CA8: variants seen among roughly 807,000 people sequenced by gnomAD.
CA8 encodes the protein carbonic anhydrase 8 (inactive).
In CA8, 22 loss-of-function variants were observed where a neutral mutation model predicts 41.4. The ratio of observed to expected loss-of-function variants is 0.53; its 90% CI spans 0.38 to 0.76. The LOEUF (loss-of-function observed/expected upper bound fraction) is 0.76, where lower values mean the gene tolerates loss of function less well. Ranked by LOEUF, CA8 falls within the 30% of genes least tolerant of loss-of-function variation. CA8 has a pLI of 0.00. For missense variants in CA8, 270 were observed against 352.8 expected (o/e 0.77, Z 1.88); for synonymous variants, 121 against 130.6 (o/e 0.93, Z 0.50).
chr8:60,269,846 C>G (rs1054406099), intron 2 of CA8, among the ~76,000 whole-genome samples: 2 of 152,086 alleles, frequency 1.3e-5, no homozygotes, highest in African/African-American at 4.8e-5. Flanking sequence ...ACATCAAGAG[C>G]AGGAAAGGGT....
chr8:60,189,927 G>A lies in CA8; in HGVS notation c.*94C>T, dbSNP rs1373511773. The A allele has an allele frequency of 4.6e-5, 7 of 151,780 alleles. No homozygotes were observed. The East Asian group carries it at 1.4e-3, about 30-fold the overall frequency. The allele number at this position is 151,780 out of a possible 1,614,324, so 9.4% of individuals were successfully genotyped here. A position where few individuals can be genotyped will look rare whatever the true frequency, so the allele number is the denominator to read the frequency against. On this transcript the variant is annotated 3_prime_UTR_variant, in exon 9 of 9. Coordinates refer to ENST00000317995, the MANE Select transcript of CA8 (RefSeq NM_004056.6). ...CGCAGGCTTTGAGGATAAACTGAAG[G>A]TGCAGCTCAAAAGTTTCCTTTTCTT...
At chr8:60,217,000 C>A (rs1807043608) in intron 7 of CA8, among the ~76,000 whole-genome samples, 1 of 152,170 alleles carries the variant, frequency 6.6e-6, no homozygotes. Flanking sequence ...TCTCCTGCCT[C>A]AGCCTCCCAA....
intron 3 of CA8, among the ~76,000 whole-genome samples, chr8:60,257,724 A>G (rs77270190): frequency 0.034 from 5,140 of 152,326 alleles, 280 homozygotes; most frequent in African/African-American, 0.11. Flanking sequence ...AGTCTAGCCT[A>G]CAGTGACCCG....
At chr8:60,195,139 G>C (rs1030324088) in intron 8 of CA8, among the ~76,000 whole-genome samples, 35 of 152,122 alleles carry the variant, frequency 2.3e-4, no homozygotes, top group African/African-American at 8.0e-4. Flanking sequence ...TAATAAGGAA[G>C]CTTACTCATA....
chr8:60,267,934 A>G (rs1284762997), intron 2 of CA8, among the ~76,000 whole-genome samples: 1 of 152,194 alleles, frequency 6.6e-6, no homozygotes, highest in African/African-American at 2.4e-5. Flanking sequence ...TTAAGAATGT[A>G]TGAAACGTTT....
Position 60,226,861 on chromosome 8 carries a change from A to T in CA8, c.576+12T>A. On this transcript the variant is annotated intron_variant, in intron 5 of 8. Transcript: ENST00000317995. ...AACCAGTATTTCTATATTATTTTAAATAATGACTTACCTTATACTGAATAT... is the reference window on the plus strand; with the variant it reads ...AACCAGTATTTCTATATTATTTTAATTAATGACTTACCTTATACTGAATAT... The T allele has an allele frequency of 6.6e-7, 1 of 1,523,046 alleles. No homozygotes were observed. The highest frequency in any genetic ancestry group is 9.1e-7 in the Non-Finnish European group (1 of 1,097,534). The allele number at this position is 1,523,046 out of a possible 1,614,324, so 94.3% of individuals were successfully genotyped here. A position where few individuals can be genotyped will look rare whatever the true frequency, so the allele number is the denominator to read the frequency against.
At chr8:60,192,293 T>C (rs1806153152) in intron 8 of CA8, among the ~76,000 whole-genome samples, 1 of 152,204 alleles carries the variant, frequency 6.6e-6, no homozygotes, top group Non-Finnish European at 1.5e-5. Context: ...CAATTTGCTG[T>C]AAGATTTTAG....
At chr8:60,202,159 T>C (rs1420498315) in intron 8 of CA8, among the ~76,000 whole-genome samples, 1 of 151,780 alleles carries the variant, frequency 6.6e-6, no homozygotes, top group Non-Finnish European at 1.5e-5. Flanking sequence ...TTTTCCTGCC[T>C]CAGCCTCCTG....
At chr8:60,211,705 A>G (rs7007072) in intron 7 of CA8, among the ~76,000 whole-genome samples, 55,805 of 152,070 alleles carry the variant, frequency 0.37, 10,703 homozygotes, top group Admixed American at 0.44. Flanking sequence ...ATTTCACAAG[A>G]AATGTTTTTC....
intron 3 of CA8, among the ~76,000 whole-genome samples, chr8:60,258,897 T>C (rs1803643297): frequency 6.6e-6 from 1 of 152,204 alleles, no homozygotes; most frequent in African/African-American, 2.4e-5. Flanking sequence ...TGCAGCCAGG[T>C]TCCTAACAGG....
chr8:60,197,276 G>A (rs1585840283), intron 8 of CA8, among the ~76,000 whole-genome samples: 1 of 151,968 alleles, frequency 6.6e-6, no homozygotes, highest in Non-Finnish European at 1.5e-5. Flanking sequence ...GACATGAAAA[G>A]ATATATCATC....
intron 3 of CA8, chr8:60,265,471 ATC>A (rs1038523910): frequency 1.9e-5 from 3 of 157,524 alleles, no homozygotes; most frequent in South Asian, 1.9e-4. Context: ...CTCTCAAAAA[ATC>A]TCTCTTTCTC....
intron 3 of CA8, among the ~76,000 whole-genome samples, chr8:60,258,578 G>A (rs2130572733): frequency 6.6e-6 from 1 of 152,152 alleles, no homozygotes; most frequent in Non-Finnish European, 1.5e-5. Context: ...TACATTTATT[G>A]TGCACTTTAT....
intron 3 of CA8, among the ~76,000 whole-genome samples, chr8:60,262,366 T>G (rs1245369619): frequency 6.6e-6 from 1 of 150,832 alleles, no homozygotes; most frequent in Non-Finnish European, 1.5e-5. Context: ...CATATAGCAT[T>G]AAAGTTAGAC....
intron 7 of CA8, among the ~76,000 whole-genome samples, chr8:60,214,852 C>T (rs553112420): frequency 1.3e-5 from 2 of 152,292 alleles, no homozygotes; most frequent in East Asian, 3.9e-4. Flanking sequence ...CATGTATCCA[C>T]AGGGTGAAAA....
At chr8:60,225,573 A>G (rs1807408484) in intron 5 of CA8, among the ~76,000 whole-genome samples, 1 of 152,140 alleles carries the variant, frequency 6.6e-6, no homozygotes, top group Non-Finnish European at 1.5e-5. Context: ...GTTCCTTCCA[A>G]ACCTACTCAG....
intron 4 of CA8, 42 bp downstream of exon 4, chr8:60,232,242 T>G (rs151060395): frequency 7.1e-7 from 1 of 1,412,116 alleles, no homozygotes; most frequent in Non-Finnish European, 1.0e-6. Context: ...ATTTAGAAAT[T>G]AGCATCTCTA....
At chr8:60,259,491 T>C (rs1165160555) in intron 3 of CA8, among the ~76,000 whole-genome samples, 1 of 152,180 alleles carries the variant, frequency 6.6e-6, no homozygotes, top group East Asian at 1.9e-4. Flanking sequence ...TACTAACAAA[T>C]ATAAAATCAA....
chr8:60,220,276 TGGA>T (rs1180798590), intron 7 of CA8, among the ~76,000 whole-genome samples: 1 of 151,996 alleles, frequency 6.6e-6, no homozygotes, highest in African/African-American at 2.4e-5. Flanking sequence ...GTGGAAGGGA[TGGA>T]GGAGGAATGG....
Sources: gnomAD v4.1 joint callset for allele counts (sites outside exome capture counted in the v4.1 genomes callset) on GRCh38, gnomAD v4.1.1 for gene constraint, MANE v1.5 for transcripts, NCBI Gene and HGNC (gene_info 2026-07-23, HGNC 2026-07-21) for gene names.